STAC: variants seen among roughly 807,000 people sequenced by gnomAD.
STAC encodes SH3 and cysteine rich domain.
STAC carries 43 observed loss-of-function variants against 48.8 expected under a neutral mutation model. That is an observed-to-expected ratio of 0.88 (90% CI 0.69 to 1.14). STAC has a LOEUF of 1.14. Among genes scored for constraint, STAC ranks in the 50% most tolerant of loss-of-function variants. STAC has a pLI of 0.00. For missense variants in STAC, 497 were observed against 504.0 expected, an observed-to-expected ratio of 0.99 and a Z score of 0.13; for synonymous variants, 193 against 179.5, an observed-to-expected ratio of 1.07 and a Z score of -0.60.
intron 1 of STAC, among the ~76,000 whole-genome samples, chr3:36,415,727 T>TGGAG (rs947805507): frequency 3.3e-5 from 5 of 152,326 alleles, no homozygotes; most frequent in African/African-American, 1.2e-4. Flanking sequence ...AGCTGTAGAT[T>TGGAG]GGAGCTGTTC....
chr3:36,538,045 G>A (rs1046461805), intron 10 of STAC, among the ~76,000 whole-genome samples: 2 of 151,900 alleles, frequency 1.3e-5, no homozygotes, highest in African/African-American at 4.8e-5. Flanking sequence ...AGGTATAAAA[G>A]ATAAAATAGA....
chr3:36,417,390 T>C (rs1161476498), intron 1 of STAC, among the ~76,000 whole-genome samples: 1 of 152,164 alleles, frequency 6.6e-6, no homozygotes, highest in Non-Finnish European at 1.5e-5. Flanking sequence ...GGAATCAGCA[T>C]AGTTTATGTT....
At chr3:36,434,709 G>A (rs56033701) in intron 1 of STAC, among the ~76,000 whole-genome samples, 3,544 of 152,286 alleles carry the variant, frequency 0.023, 58 homozygotes, top group East Asian at 0.026. Flanking sequence ...GAAATGATCA[G>A]GGGCACACTG....
At chr3:36,435,693 A>G (rs1225980988) in intron 1 of STAC, among the ~76,000 whole-genome samples, 2 of 152,066 alleles carry the variant, frequency 1.3e-5, no homozygotes, top group African/African-American at 4.8e-5. Flanking sequence ...CACACTCACC[A>G]CTTCACTGAA....
chr3:36,444,260 T>C (rs1696442401), intron 2 of STAC, among the ~76,000 whole-genome samples: 1 of 152,230 alleles, frequency 6.6e-6, no homozygotes, highest in South Asian at 2.1e-4. Flanking sequence ...AATGGCCACA[T>C]TTAGGAACAG....
chr3:36,467,280 A>T (rs1697204340), intron 2 of STAC, among the ~76,000 whole-genome samples: 2 of 152,042 alleles, frequency 1.3e-5, no homozygotes, highest in South Asian at 4.1e-4. Flanking sequence ...ATCTATATTC[A>T]TCAGGGATAT....
rs143216410 is a variant in STAC, at chr3:36,532,363, T to C, written c.1110+3378T>C. Among the ~76,000 whole-genome samples the C allele has an allele frequency of 4.1e-4, 63 of 152,320 alleles. No homozygotes were observed. In the East Asian group the frequency reaches 0.012, roughly 28 times the overall value. ...TATGCCCACTTTAGGACACATTGCA[T>C]TTTGTAAATTGCACAAGCTCTCTTT... On this transcript the variant is annotated intron_variant, in intron 10 of 10. Transcript: ENST00000273183.
At chr3:36,482,891 A>T in intron 2 of STAC, 101 bp from the exon 3 acceptor site, 1 of 724,962 alleles carries the variant, frequency 1.4e-6, no homozygotes, top group Non-Finnish European at 2.3e-6. Flanking sequence ...AAAAAGTTGT[A>T]GGAAAGAATT....
At chr3:36,447,422 T>C (rs189878259) in intron 2 of STAC, among the ~76,000 whole-genome samples, 80 of 152,318 alleles carry the variant, frequency 5.3e-4, no homozygotes, top group African/African-American at 1.9e-3. Flanking sequence ...AAATTTAAAA[T>C]GCAGATGAAC....
intron 6 of STAC, among the ~76,000 whole-genome samples, chr3:36,499,449 A>G (rs1699326525): frequency 6.6e-6 from 1 of 152,158 alleles, no homozygotes; most frequent in Non-Finnish European, 1.5e-5. Context: ...TGCTAAAGGA[A>G]TAAAAATAGA....
intron 1 of STAC, among the ~76,000 whole-genome samples, chr3:36,421,279 A>G (rs1310825167): frequency 6.6e-6 from 1 of 152,218 alleles, no homozygotes; most frequent in Non-Finnish European, 1.5e-5. Context: ...ATATGTCTAC[A>G]TTCATGTGAA....
intron 2 of STAC, among the ~76,000 whole-genome samples, chr3:36,447,649 CCACACACACACACA>C (rs3061960): frequency 2.7e-5 from 4 of 146,314 alleles, no homozygotes; most frequent in African/African-American, 7.5e-5. Flanking sequence ...TGTATACACA[CCACACACACACACA>C]CACACACACA....
intron 8 of STAC, among the ~76,000 whole-genome samples, chr3:36,511,920 C>A (rs532799310): frequency 2.0e-5 from 3 of 152,168 alleles, no homozygotes; most frequent in East Asian, 1.9e-4. Context: ...CTCCACCACA[C>A]CTCATGGTGG....
At chr3:36,391,099 C>G (rs1699743887) in intron 1 of STAC, among the ~76,000 whole-genome samples, 1 of 152,142 alleles carries the variant, frequency 6.6e-6, no homozygotes, top group Admixed American at 6.5e-5. Flanking sequence ...TTATACTTCT[C>G]TATTTCTGTG....
At chr3:36,535,059 T>C (rs1480341247) in intron 10 of STAC, among the ~76,000 whole-genome samples, 2 of 152,310 alleles carry the variant, frequency 1.3e-5, no homozygotes, top group East Asian at 1.9e-4. Flanking sequence ...TAAATTACTT[T>C]GGGGAGTATG....
intron 8 of STAC, among the ~76,000 whole-genome samples, chr3:36,512,568 T>C (rs1290946196): frequency 6.6e-6 from 1 of 151,874 alleles, no homozygotes; most frequent in African/African-American, 2.4e-5. Context: ...AAAAAAAGAA[T>C]GTTACTGGGA....
intron 1 of STAC, among the ~76,000 whole-genome samples, chr3:36,422,316 T>G (rs1267702917): frequency 6.6e-6 from 1 of 152,146 alleles, no homozygotes; most frequent in Non-Finnish European, 1.5e-5. Context: ...TCATATTATT[T>G]TTTAAGCTAT....
intron 8 of STAC, among the ~76,000 whole-genome samples, chr3:36,517,959 A>C (rs1489336682): frequency 6.6e-6 from 1 of 152,152 alleles, no homozygotes; most frequent in Non-Finnish European, 1.5e-5. Flanking sequence ...TGTTAGCCAA[A>C]GCTTGATAAC....
intron 1 of STAC, among the ~76,000 whole-genome samples, chr3:36,421,914 T>C (rs1700460141): frequency 6.6e-6 from 1 of 152,112 alleles, no homozygotes; most frequent in Admixed American, 6.6e-5. Context: ...TCATCTCAGC[T>C]TTCATACCTT....
Sources: allele counts gnomAD v4.1 joint callset (sites outside exome capture counted in the v4.1 genomes callset), GRCh38; gene constraint gnomAD v4.1.1; transcripts MANE v1.5; gene names NCBI Gene and HGNC (gene_info 2026-07-23, HGNC 2026-07-21).